The following KIF13B variants were observed in gnomAD, a reference collection of about 807,000 sequenced individuals.
The protein encoded by KIF13B is kinesin family member 13B.
A neutral mutation model predicts 222.0 loss-of-function variants in KIF13B; 127 were observed. The observed-to-expected ratio is 0.57, with a 90% CI of 0.50 to 0.66. The LOEUF (loss-of-function observed/expected upper bound fraction) is 0.66. Among genes scored for constraint, KIF13B ranks in the 30% least tolerant of loss-of-function variants. The pLI is 0.00. For missense variants in KIF13B, 2,173 were observed against 2,379.0 expected (o/e 0.91, Z 1.80); for synonymous variants, 976 against 919.0 (o/e 1.06, Z -1.12).
At chr8:29,135,896 A>ACAAACAAG (rs1212889259) in intron 21 of KIF13B, among the ~76,000 whole-genome samples, 1 of 152,190 alleles carries the variant, frequency 6.6e-6, no homozygotes, top group Admixed American at 6.5e-5. Flanking sequence ...GTCTCAAAAA[A>ACAAACAAG]CAAACAAGCA....
intron 2 of KIF13B, among the ~76,000 whole-genome samples, chr8:29,240,658 G>A (rs771284207): frequency 2.0e-5 from 3 of 152,194 alleles, no homozygotes; most frequent in Non-Finnish European, 2.9e-5. Flanking sequence ...TTACCAGAAC[G>A]CGGGGTTCTA....
chr8:29,160,414 T>C (rs1811723693), intron 13 of KIF13B, among the ~76,000 whole-genome samples: 1 of 152,234 alleles, frequency 6.6e-6, no homozygotes, highest in South Asian at 2.1e-4. Context: ...AGCTTTCGTA[T>C]ACTTACTAAA....
At chr8:29,092,674 C>CA (rs1808352522) in intron 37 of KIF13B, 71 bp downstream of exon 37, 2 of 1,466,320 alleles carry the variant, frequency 1.4e-6, no homozygotes, top group Non-Finnish European at 1.8e-6. Context: ...CCTCCACCTC[C>CA]AGCTTTGGCG....
intron 2 of KIF13B, among the ~76,000 whole-genome samples, chr8:29,219,850 C>A (rs182897331): frequency 6.6e-6 from 1 of 152,100 alleles, no homozygotes; most frequent in African/African-American, 2.4e-5. Context: ...ATCGCTTGAA[C>A]CCAGGAATTC....
chr8:29,130,487 T>G, intron 24 of KIF13B, 46 bp downstream of exon 24: 1 of 1,602,570 alleles, frequency 6.2e-7, no homozygotes, highest in Non-Finnish European at 8.5e-7. Context: ...AATATTAAGC[T>G]TTCTGGCACC....
intron 37 of KIF13B, among the ~76,000 whole-genome samples, chr8:29,075,637 C>A (rs1368521347): frequency 6.6e-6 from 1 of 152,240 alleles, no homozygotes; most frequent in Non-Finnish European, 1.5e-5. Flanking sequence ...GAGGACTGGG[C>A]CTGTACAGAC....
At chr8:29,130,770 C>G in intron 23 of KIF13B, 105 bp from the exon 24 acceptor site, 1 of 960,318 alleles carries the variant, frequency 1.0e-6, no homozygotes, top group Non-Finnish European at 1.6e-6. Context: ...GACCTCCAAA[C>G]AGAGTAATTC....
chr8:29,144,163 T>C (rs1810948988), intron 18 of KIF13B, among the ~76,000 whole-genome samples: 2 of 152,200 alleles, frequency 1.3e-5, no homozygotes, highest in East Asian at 1.9e-4. Context: ...TTGAAATACA[T>C]TGATGTTTCA....
intron 37 of KIF13B, among the ~76,000 whole-genome samples, chr8:29,077,767 G>A (rs370422141): frequency 6.6e-5 from 10 of 152,216 alleles, no homozygotes; most frequent in African/African-American, 2.2e-4. Flanking sequence ...TCAGGGACTC[G>A]ACTGACTGCC....
At position 29,180,241 on chromosome 8, in the gene KIF13B, A is replaced by T; in HGVS notation, c.586-3T>A. On this transcript the variant is annotated splice_polypyrimidine_tract_variant and splice_region_variant and intron_variant, in intron 7 of 39. Transcript: ENST00000524189. Reference sequence around the variant, plus strand: ...TCAGACATCAACGACTCAATATCCTAAGTGGAAACAAGTCATAGACCCACG... The same window carrying T: ...TCAGACATCAACGACTCAATATCCTTAGTGGAAACAAGTCATAGACCCACG... The T allele has an allele frequency of 6.2e-7, 1 of 1,613,902 alleles. No individual in the cohort carries two copies. Among genetic ancestry groups the T allele is most frequent in the South Asian group, 1.1e-5 (1 of 91,082 alleles).
intron 6 of KIF13B, among the ~76,000 whole-genome samples, 170 bp downstream of exon 6, chr8:29,186,122 C>T (rs1050881443): frequency 6.6e-6 from 1 of 152,162 alleles, no homozygotes; most frequent in African/African-American, 2.4e-5. Context: ...AACAAACAAA[C>T]TCTTGAGCCC....
At chr8:29,078,967 C>G (rs532497167) in intron 37 of KIF13B, among the ~76,000 whole-genome samples, 1 of 152,192 alleles carries the variant, frequency 6.6e-6, no homozygotes, top group Non-Finnish European at 1.5e-5. Flanking sequence ...TGTGTTTTAA[C>G]TCTGGCTTTC....
intron 2 of KIF13B, among the ~76,000 whole-genome samples, chr8:29,221,075 T>C (rs1814721950): frequency 6.8e-6 from 1 of 148,040 alleles, no homozygotes; most frequent in Admixed American, 6.8e-5. Flanking sequence ...CCAGGGAAGC[T>C]GAGGCTGCAG....
At chr8:29,109,834 C>G in intron 33 of KIF13B, 84 bp downstream of exon 33, 1 of 1,341,530 alleles carries the variant, frequency 7.5e-7, no homozygotes, top group Non-Finnish European at 1.0e-6. Flanking sequence ...TTAGGTGCAA[C>G]AACACTGTGA....
chr8:29,114,341 T>C (rs2129644725), intron 31 of KIF13B, among the ~76,000 whole-genome samples: 1 of 152,340 alleles, frequency 6.6e-6, no homozygotes, highest in South Asian at 2.1e-4. Flanking sequence ...TACCTAATGA[T>C]GATTTATTTC....
chr8:29,077,693 A>C (rs1367581401), intron 37 of KIF13B, among the ~76,000 whole-genome samples: 1 of 152,244 alleles, frequency 6.6e-6, no homozygotes, highest in African/African-American at 2.4e-5. Flanking sequence ...ACTTTCCTTC[A>C]GGACCCAGTG....
At chr8:29,222,304 C>T (rs1814789057) in intron 2 of KIF13B, among the ~76,000 whole-genome samples, 1 of 152,084 alleles carries the variant, frequency 6.6e-6, no homozygotes, top group South Asian at 2.1e-4. Context: ...GAGCTGTGTT[C>T]ATGGCATGGC....
intron 6 of KIF13B, among the ~76,000 whole-genome samples, chr8:29,184,718 C>T (rs1314723783): frequency 1.3e-5 from 2 of 152,026 alleles, no homozygotes; most frequent in African/African-American, 4.8e-5. Flanking sequence ...TAAAAAGATG[C>T]CATACAAGCA....
At chr8:29,091,577 C>G (rs1252976654) in intron 37 of KIF13B, among the ~76,000 whole-genome samples, 2 of 152,214 alleles carry the variant, frequency 1.3e-5, no homozygotes, top group East Asian at 3.8e-4. Context: ...TTTAAAACAG[C>G]TCCTAAATCT....
Sources: allele counts gnomAD v4.1 joint callset (sites outside exome capture counted in the v4.1 genomes callset), GRCh38; gene constraint gnomAD v4.1.1; transcripts MANE v1.5; gene names NCBI Gene and HGNC (gene_info 2026-07-23, HGNC 2026-07-21).